Variants in DGKB observed in about 807,000 individuals in gnomAD.
DGKB encodes the protein 90 kDa diacylglycerol kinase.
In DGKB, 67 loss-of-function variants were observed where a neutral mutation model predicts 114.3. That is an observed-to-expected ratio of 0.59 (90% CI 0.48 to 0.72). The LOEUF is 0.72. Ranked by LOEUF, DGKB falls within the 30% of genes least tolerant of loss-of-function variation. DGKB has a pLI of 0.00. For missense variants in DGKB, 907 were observed against 975.2 expected, an observed-to-expected ratio of 0.93 and a Z score of 0.93; for synonymous variants, 398 against 323.1, an observed-to-expected ratio of 1.23 and a Z score of -2.49.
At chr7:14,370,989 C>T (rs144903175) in intron 21 of DGKB, among the ~76,000 whole-genome samples, 1 of 152,230 alleles carries the variant, frequency 6.6e-6, no homozygotes, top group East Asian at 1.9e-4. Context: ...CTGCAAATGA[C>T]ATGATTTCAT....
chr7:14,919,983 C>A (rs1317947261), intron 1 of DGKB, among the ~76,000 whole-genome samples: 1 of 152,142 alleles, frequency 6.6e-6, no homozygotes, highest in Admixed American at 6.6e-5. Context: ...CCAAAATAAA[C>A]CTCGTTCCTA....
At chr7:14,679,020 A>C (rs996712217) in intron 12 of DGKB, among the ~76,000 whole-genome samples, 3 of 151,996 alleles carry the variant, frequency 2.0e-5, no homozygotes, top group Non-Finnish European at 4.4e-5. Flanking sequence ...CTTTGGGAAT[A>C]AAAATCAGTC....
intron 23 of DGKB, among the ~76,000 whole-genome samples, chr7:14,202,271 A>G (rs1786015808): frequency 6.6e-6 from 1 of 151,972 alleles, no homozygotes; most frequent in Non-Finnish European, 1.5e-5. Flanking sequence ...CAGATGGAGG[A>G]AAGAAGTCAG....
At chr7:14,869,186 T>A (rs544011574) in intron 1 of DGKB, among the ~76,000 whole-genome samples, 4 of 152,184 alleles carry the variant, frequency 2.6e-5, no homozygotes, top group Admixed American at 1.3e-4. Context: ...TAAAAAAAAT[T>A]GTTCTTCATC....
chr7:14,925,208 T>C (rs183653085), intron 1 of DGKB, among the ~76,000 whole-genome samples: 3 of 152,346 alleles, frequency 2.0e-5, no homozygotes, highest in Admixed American at 6.5e-5. Context: ...AGTTTTTGCC[T>C]ATTACAAAGA....
chr7:14,583,368 A>C (rs1382552921), intron 17 of DGKB, among the ~76,000 whole-genome samples: 1 of 152,024 alleles, frequency 6.6e-6, no homozygotes, highest in Non-Finnish European at 1.5e-5. Flanking sequence ...TAATGAATAT[A>C]CTCTTTTTCT....
At chr7:14,593,016 T>C (rs1223921420) in intron 17 of DGKB, among the ~76,000 whole-genome samples, 2 of 152,032 alleles carry the variant, frequency 1.3e-5, no homozygotes, top group South Asian at 2.1e-4. Flanking sequence ...GTGGGATAGT[T>C]ATAAAAAATT....
At chr7:14,747,379 T>C (rs532616387) in intron 4 of DGKB, among the ~76,000 whole-genome samples, 5 of 152,006 alleles carry the variant, frequency 3.3e-5, no homozygotes, top group African/African-American at 9.6e-5. Flanking sequence ...TTTTTAATTT[T>C]CTAACTCAGA....
At chr7:14,276,444 CCAT>C (rs1190796645) in intron 23 of DGKB, among the ~76,000 whole-genome samples, 4 of 151,980 alleles carry the variant, frequency 2.6e-5, no homozygotes, top group Middle Eastern at 3.2e-3. Context: ...AATGCCATTG[CCAT>C]CATATTTTTA....
At chr7:14,639,407 G>A (rs1403519831) in intron 13 of DGKB, among the ~76,000 whole-genome samples, 1 of 152,186 alleles carries the variant, frequency 6.6e-6, no homozygotes, top group Non-Finnish European at 1.5e-5. Context: ...CTTGGAAAGG[G>A]TTTCCAGTAG....
chr7:14,958,229 T>A (rs894986344), intron 1 of DGKB, among the ~76,000 whole-genome samples: 2 of 151,994 alleles, frequency 1.3e-5, no homozygotes, highest in African/African-American at 4.8e-5. Context: ...GCTGCAAAGT[T>A]TTCCAGGATA....
chr7:14,811,781 TA>T (rs1268639079), intron 2 of DGKB, among the ~76,000 whole-genome samples: 1 of 151,776 alleles, frequency 6.6e-6, no homozygotes, highest in Non-Finnish European at 1.5e-5. Flanking sequence ...ATATGTAACA[TA>T]AATATATATA....
At chr7:14,177,742 G>A (rs1028576707) in intron 24 of DGKB, among the ~76,000 whole-genome samples, 2 of 151,998 alleles carry the variant, frequency 1.3e-5, no homozygotes, top group Non-Finnish European at 2.9e-5. Flanking sequence ...TGGTGCTTCA[G>A]TAGACTAATA....
intron 16 of DGKB, among the ~76,000 whole-genome samples, chr7:14,609,751 G>A (rs1183080047): frequency 1.3e-5 from 2 of 149,190 alleles, no homozygotes; most frequent in African/African-American, 5.1e-5. Context: ...ATACAAGCAG[G>A]AAACAAACAT....
intron 2 of DGKB, chr7:14,814,067 T>C (rs552357330): frequency 6.6e-6 from 1 of 152,338 alleles, no homozygotes; most frequent in African/African-American, 2.4e-5. Flanking sequence ...AAGACCATAG[T>C]GAACATTACA....
intron 21 of DGKB, among the ~76,000 whole-genome samples, chr7:14,427,235 C>A (rs1433897945): frequency 6.6e-6 from 1 of 152,086 alleles, no homozygotes; most frequent in Non-Finnish European, 1.5e-5. Flanking sequence ...TGAACAGGGG[C>A]AAAATGCCAC....
intron 23 of DGKB, among the ~76,000 whole-genome samples, chr7:14,192,746 C>T (rs1273250879): frequency 1.3e-5 from 2 of 151,850 alleles, no homozygotes; most frequent in Non-Finnish European, 2.9e-5. Context: ...TATATTATTA[C>T]ATTGTAATAT....
chr7:14,478,027 C>CAA (rs758595168), intron 21 of DGKB, 134 bp downstream of exon 21: 5 of 304,358 alleles, frequency 1.6e-5, no homozygotes, highest in Non-Finnish European at 1.2e-5. Context: ...TTAATATTTA[C>CAA]ACACACACAC....
At chr7:14,759,435 G>A (rs1256427268) in intron 2 of DGKB, among the ~76,000 whole-genome samples, 1 of 151,908 alleles carries the variant, frequency 6.6e-6, no homozygotes, top group African/African-American at 2.4e-5. Context: ...TCTAACCTCT[G>A]GCTATCATTA....
Sources: gnomAD v4.1 joint callset for allele counts (sites outside exome capture counted in the v4.1 genomes callset) on GRCh38, gnomAD v4.1.1 for gene constraint, MANE v1.5 for transcripts, NCBI Gene and HGNC (gene_info 2026-07-23, HGNC 2026-07-21) for gene names.